CFAP221: variants seen among roughly 807,000 people sequenced by gnomAD.
CFAP221 encodes cilia and flagella associated protein 221.
Under a neutral mutation model 113.1 loss-of-function variants are expected in CFAP221, and 97 were observed. The observed-to-expected ratio is 0.86, with a 90% CI of 0.73 to 1.02. The LOEUF is 1.02. CFAP221 is among the 50% of genes least tolerant of loss of function. The probability of loss-of-function intolerance (pLI) is 0.00; values close to 1 mark genes in which losing one functional copy is unlikely to be tolerated. For missense variants in CFAP221, 1,025 were observed against 1,013.4 expected (o/e 1.01, Z -0.16); for synonymous variants, 331 against 354.4 (o/e 0.93, Z 0.74).
At chr2:119,561,919 C>T (rs549353643) in intron 5 of CFAP221, 95 bp from the exon 6 acceptor site, 13 of 824,362 alleles carry the variant, frequency 1.6e-5, no homozygotes, top group South Asian at 6.6e-5. Flanking sequence ...TATTTTTTAA[C>T]GATGGAAACA....
At chr2:119,613,851 A>G (rs770211802) in intron 13 of CFAP221, among the ~76,000 whole-genome samples, 5 of 152,220 alleles carry the variant, frequency 3.3e-5, no homozygotes, top group African/African-American at 4.8e-5. Flanking sequence ...TTTCTTTTCT[A>G]TTACATCATC....
chr2:119,608,296 A>G (rs1489005986), intron 11 of CFAP221, among the ~76,000 whole-genome samples: 4 of 152,234 alleles, frequency 2.6e-5, no homozygotes, highest in Admixed American at 2.6e-4. Context: ...ATTCATAACT[A>G]TTTAAGATAA....
intron 21 of CFAP221, among the ~76,000 whole-genome samples, chr2:119,641,765 TC>T: frequency 6.6e-6 from 1 of 152,272 alleles, no homozygotes; most frequent in Middle Eastern, 3.4e-3. Flanking sequence ...ATGGCGATAG[TC>T]CGTCACCACA....
intron 14 of CFAP221, among the ~76,000 whole-genome samples, chr2:119,621,156 C>T (rs1251099406): frequency 4.0e-5 from 6 of 149,956 alleles, no homozygotes; most frequent in Non-Finnish European, 7.4e-5. Flanking sequence ...ACCCGGGAGG[C>T]GGAGACTGTG....
chr2:119,629,426 A>G (rs1457210634), intron 16 of CFAP221, among the ~76,000 whole-genome samples: 1 of 152,344 alleles, frequency 6.6e-6, no homozygotes, highest in East Asian at 1.9e-4. Flanking sequence ...GTGAGAGGAC[A>G]CAGCATGTTT....
intron 22 of CFAP221, chr2:119,648,431 G>A (rs770509379): frequency 3.4e-6 from 1 of 297,418 alleles, no homozygotes; most frequent in South Asian, 2.8e-5. Context: ...TCATGTCTTT[G>A]GGGGTATAAA....
intron 14 of CFAP221, among the ~76,000 whole-genome samples, chr2:119,619,946 A>G (rs1336568116): frequency 1.3e-5 from 2 of 152,200 alleles, no homozygotes; most frequent in African/African-American, 4.8e-5. Flanking sequence ...TGAAGAATAC[A>G]CAAGTATCAA....
intron 13 of CFAP221, 136 bp from the exon 14 acceptor site, chr2:119,615,471 TAATA>T: frequency 1.5e-6 from 1 of 663,944 alleles, no homozygotes; most frequent in Admixed American, 3.2e-5. Context: ...TAAAAGTGCT[TAATA>T]AATAAATGCT....
At position 119,627,639 on chromosome 2, in the gene CFAP221, T is replaced by G. The variant is rs766547130; in HGVS notation, c.1517-14T>G. On this transcript the variant is annotated splice_polypyrimidine_tract_variant and intron_variant, in intron 15 of 23. Transcript: ENST00000413369. Reference sequence around the variant, plus strand: ...TTTAGTACCCCCTAAAAGTGCCCTTTTTTTCACCCATAGAGGCGAATTTCT... The same window carrying G: ...TTTAGTACCCCCTAAAAGTGCCCTTGTTTTCACCCATAGAGGCGAATTTCT... The G allele has an allele frequency of 6.6e-5, 106 of 1,612,110 alleles. No homozygotes were observed. In the East Asian group the frequency reaches 2.3e-3, roughly 36 times the overall value.
At chr2:119,579,380 A>C (rs1339462397) in intron 6 of CFAP221, among the ~76,000 whole-genome samples, 1 of 152,168 alleles carries the variant, frequency 6.6e-6, no homozygotes, top group Non-Finnish European at 1.5e-5. Context: ...TTAAAATGTA[A>C]AATTCCACCC....
At chr2:119,596,925 T>G (rs947627091) in intron 7 of CFAP221, among the ~76,000 whole-genome samples, 3 of 152,238 alleles carry the variant, frequency 2.0e-5, no homozygotes, top group African/African-American at 7.2e-5. Context: ...TTGGCACTTT[T>G]GTGGAGCAAA....
chr2:119,585,749 G>A (rs565921994), intron 6 of CFAP221, among the ~76,000 whole-genome samples: 31 of 152,196 alleles, frequency 2.0e-4, no homozygotes, highest in African/African-American at 7.0e-4. Context: ...GGGTTATTTC[G>A]CTTCACACCA....
At chr2:119,576,452 G>A (rs376031116) in intron 6 of CFAP221, among the ~76,000 whole-genome samples, 9 of 152,076 alleles carry the variant, frequency 5.9e-5, no homozygotes, top group African/African-American at 2.2e-4. Flanking sequence ...AAAACATGCG[G>A]TATTTGGTTT....
rs186209494 is a variant in CFAP221 at position 119,638,298 on chromosome 2, A to T, written c.2014A>T (p.Thr672Ser). ...PGLFAVMHPL[T>S]YAETLIDYHL... ...ATTATTTGCTGTAATGCATCCTCTG[A>T]CCTATGCAGAAACGTTGATAGATTA... The change falls in exon 20 of 24, where the codon ACC becomes TCC. Residue 672 changes from threonine to serine, a missense_variant. Transcript: ENST00000413369. The T allele has an allele frequency of 3.1e-4, 494 of 1,614,084 alleles. 4 individuals are homozygous for T. The East Asian group carries it at 0.011, about 36-fold the overall frequency.
At position 119,639,865 on chromosome 2, in the gene CFAP221, A is replaced by G; in HGVS notation, c.2218A>G (p.Thr740Ala). The G allele has an allele frequency of 6.2e-7, 1 of 1,613,644 alleles. No individual in the cohort carries two copies. The highest frequency in any genetic ancestry group is 2.2e-5 in the East Asian group (1 of 44,876). ...SLPDPSKMET[T>A]KSCDSFNSFM... ...GCCGGACCCCTCCAAGATGGAGACC[A>G]CAAAGAGGTAAGCACAGCTCATCTG... The change falls in exon 21 of 24, where the codon ACA (threonine) becomes GCA (alanine). Residue 740 changes from threonine to alanine, a missense_variant. Transcript: ENST00000413369.
chr2:119,553,201 G>A (rs914818406), intron 3 of CFAP221, among the ~76,000 whole-genome samples: 4 of 152,194 alleles, frequency 2.6e-5, no homozygotes, highest in African/African-American at 7.2e-5. Context: ...TGTTGGAGGC[G>A]TGTGGAGGAG....
chr2:119,648,327 G>A (rs1687934501), intron 22 of CFAP221: 1 of 161,100 alleles, frequency 6.2e-6, no homozygotes, highest in Non-Finnish European at 1.4e-5. Flanking sequence ...AGATGAAGAG[G>A]TATTCATATC....
intron 7 of CFAP221, among the ~76,000 whole-genome samples, chr2:119,599,750 G>T (rs1014134432): frequency 6.6e-5 from 10 of 152,100 alleles, no homozygotes; most frequent in African/African-American, 2.4e-4. Context: ...TCTTGACTTT[G>T]TATTTTATGT....
chr2:119,606,471 A>G (rs1464892376), intron 11 of CFAP221, among the ~76,000 whole-genome samples: 1 of 152,016 alleles, frequency 6.6e-6, no homozygotes, highest in Non-Finnish European at 1.5e-5. Flanking sequence ...CCTTGTTTCC[A>G]TCAGAAATCC....
Sources: allele counts gnomAD v4.1 joint callset (sites outside exome capture counted in the v4.1 genomes callset), GRCh38; gene constraint gnomAD v4.1.1; transcripts MANE v1.5; gene names NCBI Gene and HGNC (gene_info 2026-07-23, HGNC 2026-07-21).